The following SYNE1 variants were observed in gnomAD, a reference collection of about 807,000 sequenced individuals.
SYNE1 encodes the protein spectrin repeat containing nuclear envelope protein 1.
In SYNE1, 616 loss-of-function variants were observed where a neutral mutation model predicts 1,111.0. That is an observed-to-expected ratio of 0.55 (90% confidence interval 0.52 to 0.59). The LOEUF is 0.59. Among genes scored for constraint, SYNE1 ranks in the 20% least tolerant of loss-of-function variants. The probability of loss-of-function intolerance (pLI) is 0.00; values close to 1 mark genes in which losing one functional copy is unlikely to be tolerated. For missense variants in SYNE1, 10,006 were observed against 10,417.0 expected (o/e 0.96, Z 1.72); for synonymous variants, 3,855 against 3,825.8 (o/e 1.01, Z -0.28).
intron 3 of SYNE1, among the ~76,000 whole-genome samples, chr6:152,554,728 C>T (rs779305037): frequency 6.6e-6 from 1 of 152,242 alleles, no homozygotes; most frequent in South Asian, 2.1e-4. Context: ...ATATCATCAT[C>T]CACCCTTTGC....
intron 6 of SYNE1, 62 bp from the exon 7 acceptor site, chr6:152,511,165 G>T: frequency 7.0e-7 from 1 of 1,423,374 alleles, no homozygotes; most frequent in Non-Finnish European, 9.9e-7. Context: ...ATTTAATTAT[G>T]TAACAATTAG....
chr6:152,377,640 AATATATATATAT>A (rs1369932106), intron 56 of SYNE1, among the ~76,000 whole-genome samples: 44 of 33,874 alleles, frequency 1.3e-3, no homozygotes, highest in African/African-American at 5.7e-3. Context: ...AAAAAAAAAA[AATATATATATAT>A]ATATATATAT....
chr6:152,607,892 A>G (rs1219746851), intron 3 of SYNE1, among the ~76,000 whole-genome samples: 4 of 152,232 alleles, frequency 2.6e-5, no homozygotes, highest in Non-Finnish European at 5.9e-5. Flanking sequence ...AGGGATATGA[A>G]TGAAGCTGGA....
At chr6:152,459,257 C>T (rs1050392361) in intron 21 of SYNE1, among the ~76,000 whole-genome samples, 1 of 152,156 alleles carries the variant, frequency 6.6e-6, no homozygotes, top group African/African-American at 2.4e-5. Flanking sequence ...ATAAACCATG[C>T]AACTCATTTT....
rs769736021 is a variant in SYNE1 at position 152,268,145 on chromosome 6, G to A, written c.18726C>T (p.Ala6242=). ...CTGAGCGAAGGAGACTCTTCTGCTC[G>A]GCTAATTCCTGTTCTAACTCCTGCT... is the stretch of plus-strand genomic sequence containing the variant. ...QQQKELEQEL[A]EQKSLLRSVA... Residue 6242 remains alanine, a synonymous_variant, in exon 100 of 146, where the codon GCC becomes GCT. Coordinates refer to ENST00000367255, the MANE Select transcript of SYNE1 (RefSeq NM_182961.4). The A allele has an allele frequency of 1.4e-5, 23 of 1,613,864 alleles. No homozygotes were observed. The highest frequency in any genetic ancestry group is 1.9e-5 in the Non-Finnish European group (23 of 1,179,964).
intron 3 of SYNE1, among the ~76,000 whole-genome samples, chr6:152,620,338 G>C (rs1192157783): frequency 1.3e-5 from 2 of 152,040 alleles, no homozygotes; most frequent in African/African-American, 4.8e-5. Context: ...GGCTCCCTGG[G>C]TGGTGCCAAC....
At chr6:152,551,455 G>A (rs913380439) in intron 3 of SYNE1, among the ~76,000 whole-genome samples, 1 of 152,120 alleles carries the variant, frequency 6.6e-6, no homozygotes, top group African/African-American at 2.4e-5. Context: ...ATTCCACTGT[G>A]CCCCTCACAT....
intron 128 of SYNE1, among the ~76,000 whole-genome samples, chr6:152,181,369 G>A (rs1414660368): frequency 1.3e-5 from 2 of 152,136 alleles, no homozygotes; most frequent in Non-Finnish European, 2.9e-5. Flanking sequence ...CCGAGATTGT[G>A]TCACTGTGTT....
Position 152,398,678 on chromosome 6 carries a change from C to T in SYNE1, c.7291G>A (p.Glu2431Lys). The T allele has an allele frequency of 6.2e-7, 1 of 1,614,044 alleles. No individual in the cohort carries two copies. Among genetic ancestry groups the T allele is most frequent in the Non-Finnish European group, 8.5e-7 (1 of 1,179,934 alleles). ...WFLGAKAAAK[E>K]SSDRTGDSKV... is the part of the protein sequence containing the mutation. ...CTGTCACCGGTGCGATCTGATGATT[C>T]TTTTGCTGCTGCCTTTGCTCCCAAA... The change falls in exon 49 of 146, where the codon GAA (glutamate) becomes AAA (lysine). Residue 2431 changes from glutamate (E) to lysine (K), a missense_variant. Glu to Lys is a moderately conservative substitution (Grantham distance 56). Coordinates refer to ENST00000367255, the MANE Select transcript of SYNE1 (RefSeq NM_182961.4).
At chr6:152,432,756 G>C (rs568553160) in intron 34 of SYNE1, among the ~76,000 whole-genome samples, 1 of 152,196 alleles carries the variant, frequency 6.6e-6, no homozygotes, top group African/African-American at 2.4e-5. Flanking sequence ...TTAGAATTTA[G>C]TGAAAATGAT....
At position 152,221,447 on chromosome 6, in the gene SYNE1, G is replaced by A. The variant is rs1447051927; in HGVS notation, c.21635C>T (p.Thr7212Ile). 16 of 1,613,902 alleles carry A rather than the reference G, an allele frequency of 9.9e-6. No homozygotes were observed. The highest frequency in any genetic ancestry group is 1.4e-5 in the Non-Finnish European group (16 of 1,179,918). ...ATACCTCATGTTGACTTCTTTCAGT[G>A]TATTGGTAAGAGTTTCTGTCACGGG... ...HPPVTETLTN[T>I]LKEVNMRWNN... The change falls in exon 118 of 146, where the codon ACA becomes ATA. Residue 7212 changes from threonine (T) to isoleucine (I), a missense_variant. Transcript: ENST00000367255.
intron 20 of SYNE1, 55 bp downstream of exon 20, chr6:152,462,683 G>C (rs748873198): frequency 6.2e-7 from 1 of 1,608,142 alleles, no homozygotes; most frequent in Non-Finnish European, 8.5e-7. Context: ...TAAACTTGCT[G>C]ATCTTTCCTC....
At chr6:152,594,147 TAA>T (rs2099574438) in intron 3 of SYNE1, among the ~76,000 whole-genome samples, 2 of 152,158 alleles carry the variant, frequency 1.3e-5, no homozygotes, top group African/African-American at 2.4e-5. Context: ...TGAAGTCCCA[TAA>T]AGTCTACTGG....
intron 144 of SYNE1, 33 bp downstream of exon 144, chr6:152,132,089 T>A: frequency 6.3e-7 from 1 of 1,597,194 alleles, no homozygotes; most frequent in Non-Finnish European, 8.6e-7. Context: ...TTCACTCCCA[T>A]GGGCCAACTG....
intron 133 of SYNE1, 58 bp from the exon 134 acceptor site, chr6:152,152,199 G>C (rs966321249): frequency 1.9e-5 from 28 of 1,494,936 alleles, no homozygotes; most frequent in Non-Finnish European, 2.4e-5. Flanking sequence ...CTCAGTAGTG[G>C]CTCCTGGTTT....
chr6:152,149,630 A>T lies in SYNE1; in HGVS notation c.24489T>A (p.Ile8163=), dbSNP rs1563035483. 6.2e-7 allele frequency: 1 copy of T among 1,614,124 alleles called. No individual in the cohort carries two copies. The change falls in exon 136 of 146, where the codon ATT becomes ATA. Residue 8163 remains isoleucine, a synonymous_variant. Transcript: ENST00000367255. ...GTTCTCCTTGGGCAATTATCTGCTC[A>T]ATCTTATTGTGGTTCAGTGAAATTT... ...QQEISLNHNK[I]EQIIAQGEQL...
intron 117 of SYNE1, among the ~76,000 whole-genome samples, chr6:152,223,847 G>C (rs1393506398): frequency 6.6e-6 from 1 of 152,216 alleles, no homozygotes; most frequent in Non-Finnish European, 1.5e-5. Context: ...AGAAGAAAGA[G>C]CAGTGACAGG....
intron 21 of SYNE1, 122 bp downstream of exon 21, chr6:152,461,475 A>G (rs942145679): frequency 1.6e-5 from 20 of 1,260,706 alleles, no homozygotes; most frequent in Non-Finnish European, 2.1e-5. Context: ...TGAGAATCCC[A>G]ATTAGAAACA....
Position 152,297,043 on chromosome 6 carries a change from T to C in SYNE1, c.17683-2916A>G, listed in dbSNP as rs183277013. 1.0e-3 allele frequency among the ~76,000 whole-genome samples: 157 copies of C among 152,300 alleles called. 3 individuals are homozygous for C. The highest frequency in any genetic ancestry group is 2.6e-3 in the African/African-American group (110 of 41,570). On this transcript the variant is annotated intron_variant, in intron 93 of 145. Coordinates refer to ENST00000367255, the MANE Select transcript of SYNE1 (RefSeq NM_182961.4). Reference sequence around the variant, plus strand: ...ATCAGTTCTGTACACAGCTTCTCATTAAATTCCCTCAGTGGTTAAATATTA... The same window carrying C: ...ATCAGTTCTGTACACAGCTTCTCATCAAATTCCCTCAGTGGTTAAATATTA...
Sources: allele counts gnomAD v4.1 joint callset (sites outside exome capture counted in the v4.1 genomes callset), GRCh38; gene constraint gnomAD v4.1.1; transcripts MANE v1.5; gene names NCBI Gene and HGNC (gene_info 2026-07-23, HGNC 2026-07-21).